The following RERG variants were observed in gnomAD, a reference collection of about 807,000 sequenced individuals.
RERG encodes the protein RAS like estrogen regulated growth inhibitor, also known as ras-related and estrogen-regulated growth inhibitor.
A neutral mutation model predicts 23.2 loss-of-function variants in RERG; 25 were observed. The observed-to-expected ratio is 1.08, with a 90% CI of 0.79 to 1.50. The LOEUF (loss-of-function observed/expected upper bound fraction) is 1.50. RERG is among the 40% of genes most tolerant of loss of function. The pLI is 0.00. For synonymous variants in RERG, 81 were observed against 89.1 expected, an observed-to-expected ratio of 0.91 and a Z score of 0.51; for missense variants, 253 against 250.1, an observed-to-expected ratio of 1.01 and a Z score of -0.08.
chr12:15,144,355 C>T (rs1336651674), intron 2 of RERG, among the ~76,000 whole-genome samples: 2 of 152,020 alleles, frequency 1.3e-5, no homozygotes, highest in African/African-American at 2.4e-5. Context: ...TATAAAGATG[C>T]TATTTAAAGC....
intron 3 of RERG, among the ~76,000 whole-genome samples, chr12:15,112,066 A>AAATTGAG (rs1480553421): frequency 2.0e-5 from 3 of 152,200 alleles, no homozygotes; most frequent in Non-Finnish European, 4.4e-5. Context: ...TCAACAATGT[A>AAATTGAG]AATTGAGAAG....
intron 2 of RERG, among the ~76,000 whole-genome samples, chr12:15,190,840 A>G (rs1865060716): frequency 6.6e-6 from 1 of 152,182 alleles, no homozygotes; most frequent in Admixed American, 6.5e-5. Flanking sequence ...TCCTTTGCTC[A>G]GCATCTTGCC....
At chr12:15,143,947 G>A (rs1864285997) in intron 2 of RERG, among the ~76,000 whole-genome samples, 1 of 152,148 alleles carries the variant, frequency 6.6e-6, no homozygotes, top group Admixed American at 6.5e-5. Context: ...GAAAGGGCAA[G>A]TGTAGAGGTT....
Position 15,147,774 on chromosome 12 carries a change from A to G in RERG, c.62-26655T>C, listed in dbSNP as rs569714042. On this transcript the variant is annotated intron_variant, in intron 2 of 4. Coordinates refer to ENST00000256953, the MANE Select transcript of RERG (RefSeq NM_032918.3). ...ATGGAGTTGTTTACTACTTGGGAAA[A>G]TGTATGTTTATTTAAAATTCAAAGG... 2.1e-4 allele frequency among the ~76,000 whole-genome samples: 32 copies of G among 152,348 alleles called. No homozygotes were observed. In the South Asian group the frequency reaches 6.0e-3, roughly 29 times the overall value.
intron 2 of RERG, among the ~76,000 whole-genome samples, chr12:15,177,011 T>A (rs932988958): frequency 1.3e-5 from 2 of 152,252 alleles, no homozygotes; most frequent in Admixed American, 6.5e-5. Context: ...AATCTTATCA[T>A]AAGACATGAA....
intron 2 of RERG, among the ~76,000 whole-genome samples, chr12:15,188,582 AAGATG>A (rs1367505337): frequency 6.6e-6 from 1 of 152,176 alleles, no homozygotes; most frequent in African/African-American, 2.4e-5. Context: ...TCCAGAAATA[AAGATG>A]TAATATATTT....
intron 2 of RERG, among the ~76,000 whole-genome samples, chr12:15,149,050 T>C (rs1464913785): frequency 6.6e-6 from 1 of 151,710 alleles, no homozygotes; most frequent in African/African-American, 2.4e-5. Context: ...TTGTATTCTT[T>C]AGTAGAGACG....
chr12:15,134,109 GT>G (rs768333002), intron 2 of RERG, among the ~76,000 whole-genome samples: 1 of 151,630 alleles, frequency 6.6e-6, no homozygotes, highest in Non-Finnish European at 1.5e-5. Flanking sequence ...TTAATAATTT[GT>G]TTAGAAATTA....
At chr12:15,111,260 A>G (rs922605028) in intron 4 of RERG, 84 bp downstream of exon 4, 2 of 1,035,662 alleles carry the variant, frequency 1.9e-6, no homozygotes, top group Non-Finnish European at 1.5e-6. Flanking sequence ...TTAGTTGAAG[A>G]AAAGTGCCTT....
At chr12:15,169,407 A>T (rs1374999543) in intron 2 of RERG, among the ~76,000 whole-genome samples, 2 of 152,130 alleles carry the variant, frequency 1.3e-5, no homozygotes, top group Non-Finnish European at 2.9e-5. Flanking sequence ...TGAGGCCCGG[A>T]CCAGAAGCCA....
intron 2 of RERG, among the ~76,000 whole-genome samples, chr12:15,214,029 T>C (rs1865407129): frequency 8.4e-6 from 1 of 118,566 alleles, no homozygotes; most frequent in African/African-American, 4.6e-5. Flanking sequence ...TGTGTGTGTG[T>C]GTGTGTGTGC....
In RERG at chr12:15,109,430, C is replaced by G. The variant is rs764601537; in HGVS notation, c.280G>C (p.Glu94Gln). The stretch of plus-strand genomic sequence containing the variant: ...AGGATGTTCTTAAGTGGCAGCACTT[C>G]CTCAAAACTTCCTCGGTCAGTAATG... Reference protein sequence around the residue: ...YDITDRGSFEEVLPLKNILDE... With the variant: ...YDITDRGSFEQVLPLKNILDE... The change falls in exon 5 of 5, where the codon GAA (glutamate) becomes CAA (glutamine). Residue 94 changes from glutamate to glutamine, a missense_variant. Glu to Gln is a conservative substitution (Grantham distance 29). Transcript: ENST00000256953. 6.2e-7 allele frequency: 1 copy of G among 1,614,010 alleles called. No homozygotes were observed. Among genetic ancestry groups the G allele is most frequent in the Non-Finnish European group, 8.5e-7 (1 of 1,179,974 alleles).
chr12:15,140,540 T>C (rs1050673396), intron 2 of RERG, among the ~76,000 whole-genome samples: 6 of 141,140 alleles, frequency 4.3e-5, no homozygotes, highest in African/African-American at 1.6e-4. Flanking sequence ...CTGGCCTATG[T>C]AATGTTTTTT....
At position 15,199,233 on chromosome 12, in the gene RERG, C is replaced by T. The variant is rs138367213; in HGVS notation, c.61+18196G>A. ...GCATGGGTGAAGCTCAAATTGGCAA[C>T]GTGAGGTACTCTTTTTCAATGTAAA... On this transcript the variant is annotated intron_variant, in intron 2 of 4. Coordinates refer to ENST00000256953, the MANE Select transcript of RERG (RefSeq NM_032918.3). Among the ~76,000 whole-genome samples the T allele has an allele frequency of 9.2e-5, 14 of 152,220 alleles. No homozygotes were observed. In the East Asian group the frequency reaches 1.4e-3, roughly 15 times the overall value.
intron 2 of RERG, among the ~76,000 whole-genome samples, chr12:15,139,269 C>T (rs1864195966): frequency 1.3e-5 from 2 of 151,990 alleles, no homozygotes; most frequent in African/African-American, 4.8e-5. Flanking sequence ...TGATGGAACT[C>T]ATTCTTCCTC....
chr12:15,117,787 G>A (rs1863756299), intron 3 of RERG, among the ~76,000 whole-genome samples: 1 of 152,012 alleles, frequency 6.6e-6, no homozygotes, highest in Admixed American at 6.5e-5. Flanking sequence ...ATGACTCTTG[G>A]AGATAGGGAT....
chr12:15,184,653 G>A (rs1864966898), intron 2 of RERG, among the ~76,000 whole-genome samples: 1 of 152,162 alleles, frequency 6.6e-6, no homozygotes, highest in African/African-American at 2.4e-5. Context: ...AGCGTCCGAT[G>A]ACAGCAAATC....
At chr12:15,117,685 A>ATGCGTG (rs1555119527) in intron 3 of RERG, among the ~76,000 whole-genome samples, 6 of 151,202 alleles carry the variant, frequency 4.0e-5, no homozygotes, top group African/African-American at 7.3e-5. Flanking sequence ...GCACACACAC[A>ATGCGTG]CACACACACA....
At chr12:15,157,790 C>T (rs1280498039) in intron 2 of RERG, among the ~76,000 whole-genome samples, 1 of 152,062 alleles carries the variant, frequency 6.6e-6, no homozygotes, top group Non-Finnish European at 1.5e-5. Context: ...TTTTTTGTCA[C>T]TCTTTTGTAT....
Sources: allele counts gnomAD v4.1 joint callset (sites outside exome capture counted in the v4.1 genomes callset), GRCh38; gene constraint gnomAD v4.1.1; transcripts MANE v1.5; gene names NCBI Gene and HGNC (gene_info 2026-07-23, HGNC 2026-07-21).